The following CTSC variants were observed in gnomAD, a reference collection of about 807,000 sequenced individuals.
CTSC encodes the protein cathepsin C, also known as dipeptidyl peptidase 1.
Under a neutral mutation model 40.9 loss-of-function variants are expected in CTSC, and 37 were observed. The ratio of observed to expected loss-of-function variants is 0.91; its 90% confidence interval spans 0.70 to 1.19. CTSC has a LOEUF of 1.19. Among genes scored for constraint, CTSC ranks in the 50% most tolerant of loss-of-function variants. The pLI, the probability that CTSC is intolerant of heterozygous loss-of-function variation, is 0.00. For synonymous variants in CTSC, 232 were observed against 207.4 expected (o/e 1.12, Z -1.02); for missense variants, 594 against 567.3 (o/e 1.05, Z -0.48).
rs543406380 is a variant in CTSC, at chr11:88,331,620, T to C, written c.318+3317A>G. ...CAGAATTCCCTCAAATCTGTTCTTC[T>C]TGGGCTTTTATGGAGCGTTCATTGA... On this transcript the variant is annotated intron_variant, in intron 2 of 6. Transcript: ENST00000227266. Among the ~76,000 whole-genome samples the C allele has an allele frequency of 3.3e-5, 5 of 152,296 alleles. No individual in the cohort carries two copies. In the South Asian group the frequency reaches 1.0e-3, roughly 32 times the overall value.
At chr11:88,326,073 A>G in intron 2 of CTSC, 2 of 1,160,294 alleles carry the variant, frequency 1.7e-6, no homozygotes, top group African/African-American at 3.2e-5. Flanking sequence ...TTCAAAAGAG[A>G]AAAAGAACAA....
Position 88,300,624 on chromosome 11 carries a change from A to C in CTSC, c.663T>G (p.Thr221=), listed in dbSNP as rs2134771076. 6.2e-7 allele frequency: 1 copy of C among 1,613,042 alleles called. No homozygotes were observed. Among genetic ancestry groups the C allele is most frequent in the Non-Finnish European group, 8.5e-7 (1 of 1,178,992 alleles). ...KIPRPKPAPL[T]AEIQQKILHL... ...GCAAAATCTTTTGCTGTATTTCAGC[A>C]GTCAGTGGTGCAGGTTTGGGCCTAG... Residue 221 remains threonine (T), a synonymous_variant, in exon 5 of 7, where the codon ACT becomes ACG. Transcript: ENST00000227266.
At chr11:88,316,618 T>C (rs527445034) in intron 2 of CTSC, among the ~76,000 whole-genome samples, 2 of 152,262 alleles carry the variant, frequency 1.3e-5, no homozygotes, top group African/African-American at 2.4e-5. Flanking sequence ...AACATAACTA[T>C]GACAATAGGA....
intron 4 of CTSC, 134 bp downstream of exon 4, chr11:88,309,029 G>A (rs533948835): frequency 1.1e-5 from 8 of 751,094 alleles, no homozygotes; most frequent in South Asian, 7.6e-5. Flanking sequence ...GATAAAGATC[G>A]TTAACAGATC....
chr11:88,315,227 C>G (rs376271686), intron 2 of CTSC, among the ~76,000 whole-genome samples: 11 of 152,206 alleles, frequency 7.2e-5, no homozygotes, highest in African/African-American at 1.9e-4. Context: ...CCCACCTCTG[C>G]TGTTTGAGGA....
chr11:88,326,360 G>A (rs763393247), intron 2 of CTSC: 13 of 1,613,614 alleles, frequency 8.1e-6, no homozygotes, highest in African/African-American at 5.3e-5. Context: ...CCACACTGTC[G>A]CAGGCTGCTC....
intron 5 of CTSC, chr11:88,297,705 G>A (rs907629572): frequency 1.2e-4 from 18 of 152,220 alleles, no homozygotes; most frequent in Admixed American, 6.5e-4. Context: ...AAGGGAAGAA[G>A]ATAAACTTCA....
chr11:88,306,944 T>A (rs972335549), intron 4 of CTSC, among the ~76,000 whole-genome samples: 1 of 152,160 alleles, frequency 6.6e-6, no homozygotes, highest in South Asian at 2.1e-4. Flanking sequence ...GCACCCCCCA[T>A]GGCCTCTGCA....
intron 2 of CTSC, among the ~76,000 whole-genome samples, chr11:88,328,399 C>A (rs1277116637): frequency 8.5e-5 from 13 of 152,068 alleles, no homozygotes; most frequent in Non-Finnish European, 1.5e-5. Context: ...ATATTGAATC[C>A]AAATTTTAAA....
chr11:88,316,492 T>TAAATAAATAAATAAATAAAC (rs1234789606), intron 2 of CTSC, among the ~76,000 whole-genome samples: 1 of 151,582 alleles, frequency 6.6e-6, no homozygotes, highest in African/African-American at 2.4e-5. Flanking sequence ...AATAAATAAA[T>TAAATAAATAAATAAATAAAC]AAATAAATAA....
rs751326698 is a variant in CTSC at position 88,296,208 on chromosome 11, G to C, written c.814C>G (p.Arg272Gly). The C allele has an allele frequency of 1.2e-6, 2 of 1,613,950 alleles. No individual in the cohort carries two copies. Among genetic ancestry groups the C allele is most frequent in the Non-Finnish European group, 1.7e-6 (2 of 1,179,922 alleles). Reference sequence around the variant, plus strand: ...GTCTGAGAATTGTTGGTTAGTATACGGATTCTCGCTTCTAGCATACCCATA... The same window carrying C: ...GTCTGAGAATTGTTGGTTAGTATACCGATTCTCGCTTCTAGCATACCCATA... Reference protein sequence around the residue: ...ASMGMLEARIRILTNNSQTPI... With the variant: ...ASMGMLEARIGILTNNSQTPI... The change falls in exon 6 of 7, where the codon CGT becomes GGT. Residue 272 changes from arginine (R) to glycine (G), a missense_variant. Arg to Gly is a moderately radical substitution (Grantham distance 125). Coordinates refer to ENST00000227266, the MANE Select transcript of CTSC (RefSeq NM_001814.6).
intron 5 of CTSC, chr11:88,297,919 T>C (rs1944315874): frequency 6.6e-6 from 1 of 152,162 alleles, no homozygotes; most frequent in South Asian, 2.1e-4. Context: ...GTGATCTTCA[T>C]ATGGTATAAC....
chr11:88,328,838 G>A (rs1299181456), intron 2 of CTSC, among the ~76,000 whole-genome samples: 1 of 152,024 alleles, frequency 6.6e-6, no homozygotes, highest in African/African-American at 2.4e-5. Context: ...TGTTGAGGCT[G>A]GACTCCATCT....
chr11:88,330,044 A>G (rs1938307238), intron 2 of CTSC, among the ~76,000 whole-genome samples: 1 of 152,176 alleles, frequency 6.6e-6, no homozygotes, highest in Non-Finnish European at 1.5e-5. Flanking sequence ...AAGAAGTGCA[A>G]ATTTGCTAAA....
At chr11:88,333,356 C>T (rs1938412154) in intron 2 of CTSC, among the ~76,000 whole-genome samples, 1 of 152,184 alleles carries the variant, frequency 6.6e-6, no homozygotes, top group African/African-American at 2.4e-5. Flanking sequence ...CCACTTCATT[C>T]ATTCATTTTT....
chr11:88,328,237 A>T (rs580743), intron 2 of CTSC: 9 of 1,380,044 alleles, frequency 6.5e-6, no homozygotes, highest in Non-Finnish European at 9.3e-6. Flanking sequence ...CATTATGTTG[A>T]GATTAAGCAT....
chr11:88,310,416 A>AT (rs1182801098), intron 3 of CTSC, among the ~76,000 whole-genome samples: 1 of 152,072 alleles, frequency 6.6e-6, no homozygotes, highest in African/African-American at 2.4e-5. Flanking sequence ...TATTATTACT[A>AT]TTAAAAAAGA....
At chr11:88,323,946 G>C (rs189026795) in intron 2 of CTSC, 1 of 151,956 alleles carries the variant, frequency 6.6e-6, no homozygotes, top group East Asian at 1.9e-4. Flanking sequence ...AAAAAAGCTC[G>C]TATAGCCAAG....
At chr11:88,324,386 G>A (rs1938119717) in intron 2 of CTSC, 9 of 983,418 alleles carry the variant, frequency 9.2e-6, no homozygotes, top group Non-Finnish European at 1.1e-5. Context: ...AAGTCAGCTT[G>A]AAATATGCAA....
Sources: gnomAD v4.1 joint callset for allele counts (sites outside exome capture counted in the v4.1 genomes callset) on GRCh38, gnomAD v4.1.1 for gene constraint, MANE v1.5 for transcripts, NCBI Gene and HGNC (gene_info 2026-07-23, HGNC 2026-07-21) for gene names.